The following YTHDC2 variants were observed in gnomAD, a reference collection of about 807,000 sequenced individuals.
YTHDC2 encodes the protein YTH N6-methyladenosine RNA binding protein C2.
A neutral mutation model predicts 174.9 loss-of-function variants in YTHDC2; 45 were observed. That is an observed-to-expected ratio of 0.26 (90% confidence interval 0.20 to 0.33). The LOEUF is 0.33. Among genes scored for constraint, YTHDC2 ranks in the 10% least tolerant of loss-of-function variants. The probability of loss-of-function intolerance (pLI) is 1.00; values close to 1 mark genes in which losing one functional copy is unlikely to be tolerated. For synonymous variants in YTHDC2, 657 were observed against 574.5 expected (o/e 1.14, Z -2.05); for missense variants, 1,650 against 1,723.7 (o/e 0.96, Z 0.76).
chr5:113,517,549 G>A (rs1440800374), intron 2 of YTHDC2: 1 of 456,274 alleles, frequency 2.2e-6, no homozygotes, highest in Admixed American at 2.3e-5. Flanking sequence ...AATGGGGAAT[G>A]CGGAAACATT....
chr5:113,534,324 C>G lies in YTHDC2; in HGVS notation c.862C>G (p.Leu288Val), dbSNP rs1379413338. ...LESRVSPKTL[L>V]TFCTNGVLLR... Reference sequence around the variant, plus strand: ...TAAAAGGGTTTCTCCAAAGACACTTCTGACATTTTGTACTAATGGGGTATT... The same window carrying G: ...TAAAAGGGTTTCTCCAAAGACACTTGTGACATTTTGTACTAATGGGGTATT... Residue 288 changes from leucine to valine, a missense_variant, in exon 6 of 30, where the codon CTG becomes GTG. Leu to Val is a conservative substitution (Grantham distance 32). This residue lies in a region of YTHDC2 where 5 missense variants were observed against 24.1 expected (regional missense o/e 0.21). Transcript: ENST00000161863. 3 of 1,612,370 alleles carry G rather than the reference C, an allele frequency of 1.9e-6. No individual in the cohort carries two copies. Among genetic ancestry groups the G allele is most frequent in the Non-Finnish European group, 2.5e-6 (3 of 1,178,870 alleles).
At chr5:113,584,267 T>C in intron 25 of YTHDC2, 35 bp from the exon 26 acceptor site, 1 of 1,575,870 alleles carries the variant, frequency 6.3e-7, no homozygotes, top group Non-Finnish European at 8.6e-7. Context: ...CGAACTTATA[T>C]ATAACTGATC....
intron 23 of YTHDC2, among the ~76,000 whole-genome samples, chr5:113,568,345 G>A (rs1437485191): frequency 1.3e-5 from 2 of 151,840 alleles, no homozygotes; most frequent in Non-Finnish European, 2.9e-5. Context: ...ACATTGAAGT[G>A]GCATAATGCA....
At chr5:113,557,547 A>G (rs932688004) in intron 17 of YTHDC2, among the ~76,000 whole-genome samples, 2 of 152,148 alleles carry the variant, frequency 1.3e-5, no homozygotes, top group Admixed American at 6.6e-5. Flanking sequence ...TAATCCCAGC[A>G]CTTTGGGAGC....
chr5:113,586,133 A>G (rs550207932), intron 26 of YTHDC2, among the ~76,000 whole-genome samples: 1 of 152,072 alleles, frequency 6.6e-6, no homozygotes, highest in Non-Finnish European at 1.5e-5. Flanking sequence ...TAACAATCTT[A>G]AGAGTTCCAT....
intron 17 of YTHDC2, among the ~76,000 whole-genome samples, chr5:113,559,181 G>T (rs948184886): frequency 6.6e-6 from 1 of 152,072 alleles, no homozygotes; most frequent in Non-Finnish European, 1.5e-5. Flanking sequence ...TGAAGGGTGG[G>T]TATAGTGTAG....
At chr5:113,519,836 C>T (rs1773741202) in intron 2 of YTHDC2, among the ~76,000 whole-genome samples, 1 of 152,098 alleles carries the variant, frequency 6.6e-6, no homozygotes, top group Non-Finnish European at 1.5e-5. Context: ...CACACAAATG[C>T]CATTCAGAGG....
intron 23 of YTHDC2, among the ~76,000 whole-genome samples, chr5:113,577,912 T>A (rs922602692): frequency 6.6e-6 from 1 of 152,178 alleles, no homozygotes; most frequent in Non-Finnish European, 1.5e-5. Context: ...CATTATATAT[T>A]TTATGTACCT....
chr5:113,549,264 C>T (rs760999199), intron 12 of YTHDC2, among the ~76,000 whole-genome samples: 2 of 152,064 alleles, frequency 1.3e-5, no homozygotes. Context: ...TGCATTTTCT[C>T]AAACCTTTTA....
At chr5:113,592,523 T>C (rs1196033478) in intron 28 of YTHDC2, 1 of 164,664 alleles carries the variant, frequency 6.1e-6, no homozygotes, top group Non-Finnish European at 1.3e-5. Flanking sequence ...GTTAAGATGA[T>C]GGAAATTAAT....
intron 16 of YTHDC2, among the ~76,000 whole-genome samples, chr5:113,555,773 A>G (rs1776567298): frequency 6.6e-6 from 1 of 152,194 alleles, no homozygotes; most frequent in African/African-American, 2.4e-5. Context: ...ACTGGCTGCC[A>G]TTATCCAGCT....
At chr5:113,523,051 G>T (rs1162583626) in intron 2 of YTHDC2, among the ~76,000 whole-genome samples, 1 of 152,022 alleles carries the variant, frequency 6.6e-6, no homozygotes, top group Non-Finnish European at 1.5e-5. Flanking sequence ...TATTTCAGTT[G>T]TGAGCTTGTT....
intron 21 of YTHDC2, 134 bp downstream of exon 21, chr5:113,566,153 C>A: frequency 1.9e-6 from 2 of 1,059,676 alleles, no homozygotes; most frequent in South Asian, 2.4e-5. Flanking sequence ...TATATTCATG[C>A]ATGATTTGTA....
chr5:113,574,141 T>C (rs1777895710), intron 23 of YTHDC2, among the ~76,000 whole-genome samples: 2 of 152,190 alleles, frequency 1.3e-5, no homozygotes, highest in South Asian at 2.1e-4. Context: ...ATGAGGTTTT[T>C]GTGGAGTCTT....
intron 16 of YTHDC2, among the ~76,000 whole-genome samples, chr5:113,555,545 A>G (rs1776548532): frequency 6.6e-6 from 1 of 152,150 alleles, no homozygotes; most frequent in Non-Finnish European, 1.5e-5. Flanking sequence ...TAACTTTGTT[A>G]GTAGCTCAGC....
intron 16 of YTHDC2, among the ~76,000 whole-genome samples, chr5:113,555,365 T>C (rs987929574): frequency 6.6e-6 from 1 of 152,164 alleles, no homozygotes; most frequent in African/African-American, 2.4e-5. Flanking sequence ...TGCAGTTATT[T>C]TATGAAAGGG....
rs1016229932 is a variant in YTHDC2, at chr5:113,513,825, C to G, written c.-71C>G. 1.4e-6 allele frequency: 2 copies of G among 1,471,296 alleles called. No homozygotes were observed. Among genetic ancestry groups the G allele is most frequent in the South Asian group, 2.7e-5 (2 of 73,160 alleles). The allele number at this position is 1,471,296 out of a possible 1,614,324, so 91.1% of individuals were successfully genotyped here. On this transcript the variant is annotated 5_prime_UTR_variant, in exon 1 of 30. Transcript: ENST00000161863. ...TCCCGGTAGTGGCCCCGGATTCCCA[C>G]GGTCTTTGTCATTGGCTGTCAGCTA... is the stretch of plus-strand genomic sequence containing the variant.
chr5:113,557,469 A>G (rs1173517521), intron 17 of YTHDC2, among the ~76,000 whole-genome samples: 1 of 152,150 alleles, frequency 6.6e-6, no homozygotes, highest in Non-Finnish European at 1.5e-5. Flanking sequence ...TTGATACATT[A>G]AGCTGGATGT....
chr5:113,539,976 A>C (rs942841076), intron 8 of YTHDC2, among the ~76,000 whole-genome samples: 4 of 152,170 alleles, frequency 2.6e-5, no homozygotes, highest in Non-Finnish European at 5.9e-5. Context: ...ATCATGGCTC[A>C]CTGCAGCCTC....
Sources: allele counts gnomAD v4.1 joint callset (sites outside exome capture counted in the v4.1 genomes callset), GRCh38; gene constraint gnomAD v4.1.1; regional missense constraint gnomAD v4.1.1; transcripts MANE v1.5; gene names NCBI Gene and HGNC (gene_info 2026-07-23, HGNC 2026-07-21).